The following USP8 variants were observed in gnomAD, a reference collection of about 807,000 sequenced individuals.
USP8 encodes ubiquitin carboxyl-terminal hydrolase 8.
USP8 carries 27 observed loss-of-function variants against 130.0 expected under a neutral mutation model. The ratio of observed to expected loss-of-function variants is 0.21; its 90% CI spans 0.15 to 0.29. The LOEUF (loss-of-function observed/expected upper bound fraction) is 0.29, where lower values mean the gene tolerates loss of function less well. Ranked by LOEUF, USP8 falls within the 10% of genes least tolerant of loss-of-function variation. USP8 has a pLI of 1.00. For synonymous variants in USP8, 392 were observed against 444.1 expected, an observed-to-expected ratio of 0.88 and a Z score of 1.48; for missense variants, 1,029 against 1,312.2, an observed-to-expected ratio of 0.78 and a Z score of 3.33.
chr15:50,494,988 C>T (rs964426096), intron 16 of USP8, among the ~76,000 whole-genome samples: 22 of 150,064 alleles, frequency 1.5e-4, no homozygotes, highest in Admixed American at 4.7e-4. Flanking sequence ...CACTGCACTC[C>T]AGCCTGGGCG....
At chr15:50,483,554 G>C (rs941274965) in intron 11 of USP8, among the ~76,000 whole-genome samples, 1 of 152,228 alleles carries the variant, frequency 6.6e-6, no homozygotes, top group African/African-American at 2.4e-5. Context: ...CAGCACTTTG[G>C]GAGGCCTAGA....
At chr15:50,486,479 AC>A (rs1461358492) in intron 12 of USP8, among the ~76,000 whole-genome samples, 1 of 151,886 alleles carries the variant, frequency 6.6e-6, no homozygotes, top group Non-Finnish European at 1.5e-5. Flanking sequence ...CAAGGGTGAG[AC>A]CCTGTCTCAA....
intron 1 of USP8, among the ~76,000 whole-genome samples, chr15:50,430,025 AGTGCC>A (rs2049880498): frequency 6.6e-6 from 1 of 152,216 alleles, no homozygotes; most frequent in Non-Finnish European, 1.5e-5. Flanking sequence ...TGGTTTGCTA[AGTGCC>A]TATATCACAG....
chr15:50,480,458 TC>T, intron 10 of USP8, among the ~76,000 whole-genome samples: 5 of 152,056 alleles, frequency 3.3e-5, no homozygotes, highest in Admixed American at 2.6e-4. Flanking sequence ...TGATCAGAAT[TC>T]CGGTAGAGAA....
At chr15:50,492,545 A>G (rs2052215171) in intron 14 of USP8, among the ~76,000 whole-genome samples, 156 bp from the exon 15 acceptor site, 1 of 152,180 alleles carries the variant, frequency 6.6e-6, no homozygotes, top group African/African-American at 2.4e-5. Flanking sequence ...TAAATATTAA[A>G]TGTCCTGGAA....
At position 50,500,998 on chromosome 15, in the gene USP8, T is replaced by C; in HGVS notation, c.*1910T>C. 3.3e-6 allele frequency: 2 copies of C among 597,734 alleles called. No individual in the cohort carries two copies. Among genetic ancestry groups the C allele is most frequent in the Non-Finnish European group, 6.0e-6 (2 of 335,144 alleles). 37.0% of individuals were successfully genotyped at this position (597,734 alleles called of 1,614,324 possible). ...AATCATGCATATAGCCTGACTGCTA[T>C]ATTGCTTCTCATTTCATTGTAACTA... On this transcript the variant is annotated 3_prime_UTR_variant, in exon 20 of 20. Transcript: ENST00000307179.
chr15:50,509,989 T>G lies in USP8; in HGVS notation c.*10901T>G, dbSNP rs1178172494. The G allele has an allele frequency of 1.3e-5, 2 of 152,070 alleles. No individual in the cohort carries two copies. Among genetic ancestry groups the G allele is most frequent in the Non-Finnish European group, 1.5e-5 (1 of 67,998 alleles). 9.4% of individuals were successfully genotyped at this position (152,070 alleles called of 1,614,324 possible). A position where few individuals can be genotyped will look rare whatever the true frequency, so the allele number is the denominator to read the frequency against. ...TGCTCTGCCAGATATCAATGTTTAT[T>G]TCAAAGCTATAGCTATAATTAATAT... is the stretch of plus-strand genomic sequence containing the variant. On this transcript the variant is annotated 3_prime_UTR_variant, in exon 20 of 20. Transcript: ENST00000307179.
chr15:50,438,309 C>G (rs749387975), intron 1 of USP8, among the ~76,000 whole-genome samples: 2 of 152,200 alleles, frequency 1.3e-5, no homozygotes, highest in Non-Finnish European at 2.9e-5. Flanking sequence ...AGTAGCCAGA[C>G]GTGGTGGCTT....
At chr15:50,497,301 T>C (rs776542499) in intron 18 of USP8, 70 bp downstream of exon 18, 53 of 1,513,150 alleles carry the variant, frequency 3.5e-5, no homozygotes, top group Non-Finnish European at 4.6e-5. Context: ...GTGTAATTTA[T>C]ACTTGTTGTA....
At chr15:50,481,416 C>A in intron 10 of USP8, 65 bp from the exon 11 acceptor site, 1 of 1,203,292 alleles carries the variant, frequency 8.3e-7, no homozygotes. Context: ...ACAACTTGAT[C>A]TCAAGAACTG....
rs1441676993 is a variant in USP8, at chr15:50,501,729, AAGG to A, written c.*2645_*2647del. 6.6e-6 allele frequency: 1 copy of A among 152,104 alleles called. No homozygotes were observed. The highest frequency in any genetic ancestry group is 2.4e-5 in the African/African-American group (1 of 41,418). The allele number at this position is 152,104 out of a possible 1,614,324, so 9.4% of individuals were successfully genotyped here. ...AAAGGCATTAGAGAGGTGTACTTCC[AAGG>A]AGGTGTTATGGTGTATGATAAGGGT... On this transcript the variant is annotated 3_prime_UTR_variant, in exon 20 of 20. Transcript: ENST00000307179.
chr15:50,456,997 T>C (rs1472820439), intron 4 of USP8, among the ~76,000 whole-genome samples: 2 of 152,250 alleles, frequency 1.3e-5, no homozygotes, highest in Non-Finnish European at 2.9e-5. Flanking sequence ...TTGTGTGACA[T>C]GCTAATTTCT....
At position 50,495,937 on chromosome 15, in the gene USP8, G is replaced by C; in HGVS notation, c.2748G>C (p.Gln916His). 1 of 1,613,762 alleles carries C rather than the reference G, an allele frequency of 6.2e-7. No individual in the cohort carries two copies. Among genetic ancestry groups the C allele is most frequent in the Non-Finnish European group, 8.5e-7 (1 of 1,179,982 alleles). ...AAEHAWQKHK[Q>H]LNESIIVALF... ...AACATGCCTGGCAGAAACACAAGCA[G>C]CTCAATGAGTCTATTATTGTTGCAC... is the stretch of plus-strand genomic sequence containing the variant. The change falls in exon 17 of 20, where the codon CAG becomes CAC. Residue 916 changes from glutamine to histidine, a missense_variant. Coordinates refer to ENST00000307179, the MANE Select transcript of USP8 (RefSeq NM_005154.5).
chr15:50,442,589 A>G (rs55921405), intron 3 of USP8, among the ~76,000 whole-genome samples: 1 of 151,850 alleles, frequency 6.6e-6, no homozygotes. Context: ...ACTAAAAGTA[A>G]AAAAAACTAG....
chr15:50,509,563 A>C lies in USP8; in HGVS notation c.*10475A>C, dbSNP rs979606788. 4.0e-5 allele frequency: 6 copies of C among 151,040 alleles called. No individual in the cohort carries two copies. The highest frequency in any genetic ancestry group is 2.0e-4 in the Admixed American group (3 of 15,130). The allele number at this position is 151,040 out of a possible 1,614,324, so 9.4% of individuals were successfully genotyped here. ...CTCAGGAGGCTGAGACAGGAGAATG[A>C]CTTGAACCCGGGAGGCGGAGCTTGC... is the stretch of plus-strand genomic sequence containing the variant. On this transcript the variant is annotated 3_prime_UTR_variant, in exon 20 of 20. Transcript: ENST00000307179.
chr15:50,440,942 C>G (rs2050236080), intron 2 of USP8, among the ~76,000 whole-genome samples: 1 of 150,946 alleles, frequency 6.6e-6, no homozygotes, highest in Admixed American at 6.6e-5. Flanking sequence ...GCAGAGGTTG[C>G]AGTGAGCCAA....
chr15:50,428,301 GAGATGGGGTTT>G (rs1567591581), intron 1 of USP8, among the ~76,000 whole-genome samples: 1 of 152,172 alleles, frequency 6.6e-6, no homozygotes, highest in Non-Finnish European at 1.5e-5. Flanking sequence ...TGTTTTAGTA[GAGATGGGGTTT>G]CACTGTGTTG....
rs2141351222 is a variant in USP8 at position 50,510,609 on chromosome 15, A to G, written c.*11521A>G. 6.6e-6 allele frequency: 1 copy of G among 152,328 alleles called. No homozygotes were observed. Among genetic ancestry groups the G allele is most frequent in the East Asian group, 1.9e-4 (1 of 5,186 alleles). The allele number at this position is 152,328 out of a possible 1,614,324, so 9.4% of individuals were successfully genotyped here. Reference sequence around the variant, plus strand: ...TGTGGTTAAGGGATTATTTTGATCTATGAAGTGTCACGATACAAGATTTAA... The same window carrying G: ...TGTGGTTAAGGGATTATTTTGATCTGTGAAGTGTCACGATACAAGATTTAA... On this transcript the variant is annotated 3_prime_UTR_variant, in exon 20 of 20. Coordinates refer to ENST00000307179, the MANE Select transcript of USP8 (RefSeq NM_005154.5).
At chr15:50,426,036 G>A (rs1247551691) in intron 1 of USP8, among the ~76,000 whole-genome samples, 1 of 152,172 alleles carries the variant, frequency 6.6e-6, no homozygotes, top group Admixed American at 6.5e-5. Flanking sequence ...CAGGAGAATC[G>A]CTTGAACCTG....
Sources: allele counts gnomAD v4.1 joint callset (sites outside exome capture counted in the v4.1 genomes callset), GRCh38; gene constraint gnomAD v4.1.1; transcripts MANE v1.5; gene names NCBI Gene and HGNC (gene_info 2026-07-23, HGNC 2026-07-21).